Variants in TRDN observed in about 807,000 individuals in gnomAD.
TRDN encodes triadin in skeletal muscle.
A neutral mutation model predicts 149.7 loss-of-function variants in TRDN; 161 were observed. The ratio of observed to expected loss-of-function variants is 1.08; its 90% CI spans 0.95 to 1.23. TRDN has a LOEUF of 1.23. Among genes scored for constraint, TRDN ranks in the 50% most tolerant of loss-of-function variants. The pLI is 0.00. For missense variants in TRDN, 896 were observed against 823.5 expected (o/e 1.09, Z -1.08); for synonymous variants, 294 against 250.5 (o/e 1.17, Z -1.64).
intron 20 of TRDN, among the ~76,000 whole-genome samples, chr6:123,364,544 AGAGAATTGCTT>A (rs1187448851): frequency 6.6e-6 from 1 of 152,136 alleles, no homozygotes; most frequent in African/African-American, 2.4e-5. Context: ...AGCTGAGGCA[AGAGAATTGCTT>A]GAGAATTGCT....
chr6:123,293,159 G>GA (rs1466106537), intron 24 of TRDN, among the ~76,000 whole-genome samples: 2 of 152,178 alleles, frequency 1.3e-5, no homozygotes, highest in East Asian at 3.9e-4. Flanking sequence ...GGCTTACTTG[G>GA]AAAATCACTC....
chr6:123,339,076 G>A (rs977332448), intron 21 of TRDN, among the ~76,000 whole-genome samples: 4 of 151,816 alleles, frequency 2.6e-5, no homozygotes, highest in Admixed American at 6.6e-5. Context: ...GCAGTGGCGC[G>A]ATCTTGGCTC....
chr6:123,377,999 T>C, intron 16 of TRDN, 101 bp from the exon 17 acceptor site: 1 of 768,924 alleles, frequency 1.3e-6, no homozygotes, highest in Admixed American at 3.1e-5. Context: ...CATGTGCTGA[T>C]GCCAGATTGC....
chr6:123,255,463 C>T (rs1224226051), intron 36 of TRDN, among the ~76,000 whole-genome samples: 2 of 152,124 alleles, frequency 1.3e-5, no homozygotes, highest in Non-Finnish European at 2.9e-5. Context: ...TTTCCTCCTG[C>T]TCCAATAAAC....
At chr6:123,526,269 A>C (rs1779943858) in intron 5 of TRDN, among the ~76,000 whole-genome samples, 1 of 151,986 alleles carries the variant, frequency 6.6e-6, no homozygotes, top group Non-Finnish European at 1.5e-5. Flanking sequence ...GACTGATGGG[A>C]AGAGAACAGA....
intron 38 of TRDN, among the ~76,000 whole-genome samples, chr6:123,235,767 C>G (rs1232561068): frequency 6.6e-6 from 1 of 152,132 alleles, no homozygotes; most frequent in East Asian, 1.9e-4. Flanking sequence ...AGCTGTAACC[C>G]AATGGAAGAA....
chr6:123,636,283 G>A (rs1786311064), intron 1 of TRDN, among the ~76,000 whole-genome samples: 3 of 151,788 alleles, frequency 2.0e-5, no homozygotes, highest in African/African-American at 7.3e-5. Flanking sequence ...ACAAATTTAA[G>A]GTCTCCATTT....
chr6:123,491,882 G>T (rs1338988908), intron 9 of TRDN, among the ~76,000 whole-genome samples: 1 of 152,104 alleles, frequency 6.6e-6, no homozygotes, highest in Non-Finnish European at 1.5e-5. Flanking sequence ...ATGGTACCTA[G>T]TCTTGTCTAA....
chr6:123,278,695 G>A (rs1314762311), intron 25 of TRDN, among the ~76,000 whole-genome samples: 2 of 152,168 alleles, frequency 1.3e-5, no homozygotes, highest in African/African-American at 4.8e-5. Flanking sequence ...ACTTGAGGCT[G>A]GTAGGCAGAG....
chr6:123,584,890 C>T lies in TRDN; in HGVS notation c.23-13758G>A, dbSNP rs9385305. Among the ~76,000 whole-genome samples, 7 of 152,084 alleles carry T rather than the reference C, an allele frequency of 4.6e-5. No homozygotes were observed. In the East Asian group the frequency reaches 5.8e-4, roughly 13 times the overall value. On this transcript the variant is annotated intron_variant, in intron 1 of 40. Coordinates refer to ENST00000334268, the MANE Select transcript of TRDN (RefSeq NM_006073.4). The stretch of plus-strand genomic sequence containing the variant: ...ACAATTTGGTTGATAAGGCGCAGAT[C>T]CTGAACTAACTTGTAAGGCTTGTCT...
intron 5 of TRDN, chr6:123,529,261 A>T: frequency 6.5e-7 from 1 of 1,549,000 alleles, no homozygotes; most frequent in Non-Finnish European, 8.7e-7. Context: ...TGGTTCGCTT[A>T]GTCAATCCGT....
At chr6:123,602,526 T>G (rs1784326128) in intron 1 of TRDN, among the ~76,000 whole-genome samples, 1 of 151,974 alleles carries the variant, frequency 6.6e-6, no homozygotes, top group African/African-American at 2.4e-5. Context: ...AAACAACTAC[T>G]AAAGAACTTA....
intron 2 of TRDN, among the ~76,000 whole-genome samples, chr6:123,559,843 C>G (rs537664725): frequency 6.7e-4 from 102 of 152,164 alleles, no homozygotes; most frequent in South Asian, 1.0e-3. Context: ...CTCAATACCT[C>G]CCTCCACAAT....
chr6:123,238,057 C>T (rs576370537), intron 38 of TRDN, among the ~76,000 whole-genome samples: 22 of 152,090 alleles, frequency 1.4e-4, no homozygotes, highest in South Asian at 6.2e-4. Context: ...AAAAGGCTTT[C>T]GGGAATGAAA....
intron 2 of TRDN, among the ~76,000 whole-genome samples, chr6:123,569,428 C>T (rs1782449158): frequency 6.6e-6 from 1 of 152,190 alleles, no homozygotes; most frequent in African/African-American, 2.4e-5. Context: ...TCCCAAGTTG[C>T]TTCCACATTT....
At chr6:123,268,779 G>A (rs1424515053) in intron 31 of TRDN, among the ~76,000 whole-genome samples, 1 of 151,904 alleles carries the variant, frequency 6.6e-6, no homozygotes, top group Non-Finnish European at 1.5e-5. Context: ...TTGCATAAAT[G>A]TTATAGTAAA....
At chr6:123,577,672 TG>T (rs1157790021) in intron 1 of TRDN, among the ~76,000 whole-genome samples, 1 of 152,190 alleles carries the variant, frequency 6.6e-6, no homozygotes, top group African/African-American at 2.4e-5. Context: ...ATGGGATTGC[TG>T]GGTTGAATGA....
intron 38 of TRDN, among the ~76,000 whole-genome samples, chr6:123,240,495 A>T (rs1241150601): frequency 1.3e-5 from 2 of 151,866 alleles, no homozygotes; most frequent in Non-Finnish European, 3.0e-5. Flanking sequence ...AATAACAGTT[A>T]TATATTTATA....
chr6:123,550,648 A>T (rs2114446872), intron 2 of TRDN, among the ~76,000 whole-genome samples: 1 of 152,218 alleles, frequency 6.6e-6, no homozygotes, highest in East Asian at 1.9e-4. Context: ...CCCATGGTTT[A>T]TACTGATGGG....
Sources: gnomAD v4.1 joint callset for allele counts (sites outside exome capture counted in the v4.1 genomes callset) on GRCh38, gnomAD v4.1.1 for gene constraint, MANE v1.5 for transcripts, NCBI Gene and HGNC (gene_info 2026-07-23, HGNC 2026-07-21) for gene names.